Variants in ZNF816 observed in about 807,000 individuals in gnomAD.
The protein encoded by ZNF816 is zinc finger protein 816A.
Under a neutral mutation model 8.3 loss-of-function variants are expected in ZNF816, and 11 were observed. The observed-to-expected ratio is 1.32, with a 90% confidence interval of 0.83 to 2.19. The LOEUF is 2.19. ZNF816 is among the 30% of genes most tolerant of loss of function. ZNF816 has a pLI of 0.00. For synonymous variants in ZNF816, 255 were observed against 254.5 expected (o/e 1.00, Z -0.02); for missense variants, 710 against 779.3 (o/e 0.91, Z 1.06).
chr19:52,956,558 G>A (rs2083512165), intron 1 of ZNF816, among the ~76,000 whole-genome samples: 1 of 152,234 alleles, frequency 6.6e-6, no homozygotes, highest in South Asian at 2.1e-4. Flanking sequence ...AAAACAGCAT[G>A]CCTGTAATCC....
chr19:52,951,735 T>C, intron 3 of ZNF816, 151 bp from the exon 4 acceptor site: 1 of 767,130 alleles, frequency 1.3e-6, no homozygotes, highest in East Asian at 2.9e-5. Context: ...CTGTCTCTAC[T>C]GAACATACAA....
In ZNF816 at chr19:52,951,404, C is replaced by A. The variant is rs1159604172; in HGVS notation, c.371G>T (p.Gly124Val). Residue 124 changes from glycine to valine, a missense_variant, in exon 4 of 4, where the codon GGC becomes GTC. Coordinates refer to ENST00000444460, the MANE Select transcript of ZNF816 (RefSeq NM_001202457.3). ...EFQWQEVERNGHEAPMTKIKK... is the reference protein window; with the variant it reads ...EFQWQEVERNVHEAPMTKIKK... ...GATTTTTGTCATGGGTGCTTCATGG[C>A]CATTTCTTTCAACTTCTTGCCACTG... 3 of 1,613,906 alleles carry A rather than the reference C, an allele frequency of 1.9e-6. No homozygotes were observed. The highest frequency in any genetic ancestry group is 8.5e-7 in the Non-Finnish European group (1 of 1,179,944).
Position 52,951,015 on chromosome 19 carries a change from C to T in ZNF816, c.760G>A (p.Glu254Lys). 1.2e-6 allele frequency: 2 copies of T among 1,614,146 alleles called. No individual in the cohort carries two copies. Among genetic ancestry groups the T allele is most frequent in the South Asian group, 2.2e-5 (2 of 91,078 alleles). Reference sequence around the variant, plus strand: ...CATACATCACATTTATATTCTCTCTCTCTTGAATGGGTTATGTGGTGTCTC... The same window carrying T: ...CATACATCACATTTATATTCTCTCTTTCTTGAATGGGTTATGTGGTGTCTC... The part of the protein sequence containing the change: ...LRRHHITHSR[E>K]REYKCDVCGK... Residue 254 changes from glutamate to lysine, a missense_variant, in exon 4 of 4, where the codon GAG (glutamate) becomes AAG (lysine). Physicochemically the swap from Glu to Lys is moderately conservative, Grantham distance 56 (BLOSUM62 1). Transcript: ENST00000444460.
chr19:52,950,235 A>G lies in ZNF816; in HGVS notation c.1540T>C (p.Cys514Arg), dbSNP rs752803706. 1.2e-6 allele frequency: 2 copies of G among 1,613,820 alleles called. No individual in the cohort carries two copies. Among genetic ancestry groups the G allele is most frequent in the South Asian group, 1.1e-5 (1 of 91,058 alleles). Residue 514 changes from cysteine to arginine, a missense_variant, in exon 4 of 4, where the codon TGT (cysteine) becomes CGT (arginine). Cys to Arg is a radical substitution (Grantham distance 180, BLOSUM62 -3). Transcript: ENST00000444460. The stretch of plus-strand genomic sequence containing the variant: ...GATCTGCGACTGAAAACTTTGTCAC[A>G]TTCTTCACATTTGTAAGGTTTCTCT... The part of the protein sequence containing the change: ...AGEKPYKCEE[C>R]DKVFSRRSHL...
intron 2 of ZNF816, 35 bp downstream of exon 2, chr19:52,955,988 GGAAA>G (rs555198923): frequency 1.7e-4 from 277 of 1,585,650 alleles, no homozygotes; most frequent in Non-Finnish European, 1.9e-4. Context: ...ACTTCAGAAA[GGAAA>G]GAGACAGAAG....
chr19:52,959,731 T>A (rs190874766), intron 1 of ZNF816, among the ~76,000 whole-genome samples: 1 of 152,144 alleles, frequency 6.6e-6, no homozygotes, highest in South Asian at 2.1e-4. Context: ...ACATAAAATA[T>A]CAGCAAGAAA....
chr19:52,950,999 C>A lies in ZNF816; in HGVS notation c.776G>T (p.Cys259Phe), dbSNP rs776113868. ...ATTAAAGATCTTGCCACATACATCACATTTATATTCTCTCTCTCTTGAATG... is the reference window on the plus strand; with the variant it reads ...ATTAAAGATCTTGCCACATACATCAAATTTATATTCTCTCTCTCTTGAATG... ...ITHSREREYKCDVCGKIFNQK... is the reference protein window; with the variant it reads ...ITHSREREYKFDVCGKIFNQK... Residue 259 changes from cysteine (C) to phenylalanine (F), a missense_variant, in exon 4 of 4, where the codon TGT (cysteine) becomes TTT (phenylalanine). Cys to Phe is a radical substitution (Grantham distance 205). Transcript: ENST00000444460. 1.1e-5 allele frequency: 17 copies of A among 1,614,044 alleles called. 1 individual carries two copies. In the South Asian group the frequency reaches 1.9e-4, roughly 18 times the overall value.
Position 52,951,137 on chromosome 19 carries a change from T to C in ZNF816, c.638A>G (p.His213Arg). ...ISNKYGKNFL[H>R]SSFTQIQEIC... ...TTCCTGTATTTGTGTGAATGAAGAA[T>C]GGAGGAAATTCTTCCCATACTTATT... is the stretch of plus-strand genomic sequence containing the variant. Residue 213 changes from histidine to arginine, a missense_variant, in exon 4 of 4, where the codon CAT (histidine) becomes CGT (arginine). Coordinates refer to ENST00000444460, the MANE Select transcript of ZNF816 (RefSeq NM_001202457.3). 6.2e-7 allele frequency: 1 copy of C among 1,614,108 alleles called. No individual in the cohort carries two copies.
chr19:52,961,808 T>C (rs2083559380), intron 1 of ZNF816, among the ~76,000 whole-genome samples: 1 of 152,300 alleles, frequency 6.6e-6, no homozygotes, highest in Admixed American at 6.5e-5. Context: ...TGCTTCTTGT[T>C]ATGTACGCGG....
intron 1 of ZNF816, among the ~76,000 whole-genome samples, chr19:52,962,079 A>G (rs1235746031): frequency 1.3e-5 from 2 of 152,154 alleles, no homozygotes; most frequent in African/African-American, 4.8e-5. Context: ...ACCACACTGA[A>G]AAGAACTCAT....
chr19:52,956,179 G>A, intron 1 of ZNF816, 75 bp from the exon 2 acceptor site: 1 of 1,496,992 alleles, frequency 6.7e-7, no homozygotes, highest in Non-Finnish European at 9.0e-7. Flanking sequence ...CACACACACA[G>A]GGGAAACCTC....
rs992135881 is a variant in ZNF816 at position 52,956,645 on chromosome 19, GC to G, written c.-15-542del. Among the ~76,000 whole-genome samples, 335 of 152,316 alleles carry G rather than the reference GC, an allele frequency of 2.2e-3. 1 individual carries two copies. The highest frequency in any genetic ancestry group is 7.3e-3 in the African/African-American group (304 of 41,574). On this transcript the variant is annotated intron_variant, in intron 1 of 3. Coordinates refer to ENST00000444460, the MANE Select transcript of ZNF816 (RefSeq NM_001202457.3). ...CACCAGCCTGAGCAACATGGCGAAA[GC>G]CCATCTCTACGAAGAACACAAAAAT...
chr19:52,960,727 A>G (rs2083549359), intron 1 of ZNF816, among the ~76,000 whole-genome samples: 1 of 152,118 alleles, frequency 6.6e-6, no homozygotes, highest in Non-Finnish European at 1.5e-5. Flanking sequence ...AGTACCCCAG[A>G]CCGTCATCCT....
At position 52,952,116 on chromosome 19, in the gene ZNF816, A is replaced by G. The variant is rs191056769; in HGVS notation, c.191-532T>C. On this transcript the variant is annotated intron_variant, in intron 3 of 3. Transcript: ENST00000444460. ...CCAAGCATGGTGGCTCACGCCTGTA[A>G]TCCCAACACTTCGAGGCTGAGGTGG... Among the ~76,000 whole-genome samples the G allele has an allele frequency of 2.0e-5, 3 of 152,222 alleles. No homozygotes were observed. In the East Asian group the frequency reaches 5.8e-4, roughly 29 times the overall value.
intron 2 of ZNF816, among the ~76,000 whole-genome samples, chr19:52,954,334 T>C (rs2083491050): frequency 6.6e-6 from 1 of 151,924 alleles, no homozygotes; most frequent in Non-Finnish European, 1.5e-5. Context: ...CACTCCAGCC[T>C]GGGCCACAAG....
chr19:52,961,466 TAGAAAAATG>T (rs2083556271), intron 1 of ZNF816, among the ~76,000 whole-genome samples: 1 of 152,100 alleles, frequency 6.6e-6, no homozygotes, highest in Non-Finnish European at 1.5e-5. Context: ...TTAGGCTACT[TAGAAAAATG>T]ACAAAAAAGA....
At chr19:52,962,235 C>G (rs780114061) in intron 1 of ZNF816, among the ~76,000 whole-genome samples, 2 of 152,144 alleles carry the variant, frequency 1.3e-5, no homozygotes, top group Non-Finnish European at 2.9e-5. Context: ...AGTCTGTAGG[C>G]ACAGAGACCC....
rs1006693831 is a variant in ZNF816 at position 52,951,010 on chromosome 19, T to C, written c.765A>G (p.Arg255=). Residue 255 remains arginine (R), a synonymous_variant, in exon 4 of 4, where the codon AGA becomes AGG. Transcript: ENST00000444460. ...TGCCACATACATCACATTTATATTC[T>C]CTCTCTCTTGAATGGGTTATGTGGT... ...RRHHITHSRE[R]EYKCDVCGKI... is the part of the protein sequence containing the mutation. 20 of 1,614,056 alleles carry C rather than the reference T, an allele frequency of 1.2e-5. No homozygotes were observed. Among genetic ancestry groups the C allele is most frequent in the Non-Finnish European group, 1.7e-5 (20 of 1,180,042 alleles).
intron 3 of ZNF816, chr19:52,951,873 G>T: frequency 2.4e-6 from 1 of 414,898 alleles, no homozygotes; most frequent in South Asian, 1.0e-4. Flanking sequence ...ACTCCAGCCT[G>T]GGCAACAAGA....
Sources: gnomAD v4.1 joint callset for allele counts (sites outside exome capture counted in the v4.1 genomes callset) on GRCh38, gnomAD v4.1.1 for gene constraint, MANE v1.5 for transcripts, NCBI Gene and HGNC (gene_info 2026-07-23, HGNC 2026-07-21) for gene names.